CTNNA3: variants seen among roughly 807,000 people sequenced by gnomAD.
CTNNA3 encodes the protein catenin alpha 3, also known as catenin alpha-3.
In CTNNA3, 76 loss-of-function variants were observed where a neutral mutation model predicts 95.7. The ratio of observed to expected loss-of-function variants is 0.79; its 90% confidence interval spans 0.66 to 0.96. CTNNA3 has a LOEUF of 0.96. Among genes scored for constraint, CTNNA3 ranks in the 40% least tolerant of loss-of-function variants. CTNNA3 has a pLI of 0.00. For synonymous variants in CTNNA3, 431 were observed against 374.4 expected, an observed-to-expected ratio of 1.15 and a Z score of -1.74; for missense variants, 1,191 against 1,089.8, an observed-to-expected ratio of 1.09 and a Z score of -1.31.
At chr10:67,396,542 C>T (rs894486973) in intron 5 of CTNNA3, among the ~76,000 whole-genome samples, 1 of 152,124 alleles carries the variant, frequency 6.6e-6, no homozygotes, top group African/African-American at 2.4e-5. Context: ...CTTTCAACTT[C>T]CCCAAAATTT....
At position 65,989,089 on chromosome 10, in the gene CTNNA3, C is replaced by T. The variant is rs3780917; in HGVS notation, c.2160-292G>A. Among the ~76,000 whole-genome samples the T allele has an allele frequency of 0.11, 16,392 of 151,982 alleles. 1,115 individuals are homozygous for T. Among genetic ancestry groups the T allele is most frequent in the East Asian group, 0.2 (1,016 of 5,116 alleles). On this transcript the variant is annotated intron_variant, in intron 15 of 17. Transcript: ENST00000433211. The stretch of plus-strand genomic sequence containing the variant: ...CCGAAGAGCTGGGACTGCAGGCGCG[C>T]GCCACCATGCCCGGCTAATTTTTGT...
intron 11 of CTNNA3, among the ~76,000 whole-genome samples, chr10:66,463,390 C>T (rs1489732694): frequency 6.6e-6 from 1 of 152,152 alleles, no homozygotes; most frequent in Middle Eastern, 3.2e-3. Flanking sequence ...GAGGCCCTCA[C>T]CAAATGCAGA....
At chr10:66,988,994 T>A (rs921240621) in intron 7 of CTNNA3, among the ~76,000 whole-genome samples, 15 of 150,338 alleles carry the variant, frequency 1.0e-4, no homozygotes, top group Admixed American at 7.3e-4. Context: ...ATGTTTCCTC[T>A]CACTTAAAAA....
At chr10:67,639,838 G>A (rs543886613) in intron 2 of CTNNA3, among the ~76,000 whole-genome samples, 28 of 152,156 alleles carry the variant, frequency 1.8e-4, no homozygotes, top group Admixed American at 5.2e-4. Flanking sequence ...AATAAATTAC[G>A]TATTGATGGG....
intron 7 of CTNNA3, among the ~76,000 whole-genome samples, chr10:67,086,837 T>C (rs1857339715): frequency 1.3e-5 from 2 of 151,996 alleles, no homozygotes; most frequent in African/African-American, 4.8e-5. Context: ...ATTTTTAATA[T>C]AATGTAATTT....
chr10:66,527,062 A>G (rs549084002), intron 10 of CTNNA3, among the ~76,000 whole-genome samples: 246 of 152,142 alleles, frequency 1.6e-3, no homozygotes, highest in African/African-American at 5.8e-3. Flanking sequence ...ATTTTTAGTC[A>G]CTATGTTTAA....
chr10:66,151,171 G>A (rs187506211), intron 13 of CTNNA3, among the ~76,000 whole-genome samples: 1 of 151,898 alleles, frequency 6.6e-6, no homozygotes, highest in Admixed American at 6.6e-5. Flanking sequence ...GACAAGAAAA[G>A]ACTTAATTGT....
chr10:66,938,475 G>T (rs191617489), intron 7 of CTNNA3, among the ~76,000 whole-genome samples: 4 of 152,204 alleles, frequency 2.6e-5, no homozygotes, highest in Admixed American at 1.3e-4. Flanking sequence ...ATAAGGAAAA[G>T]AAAATATATT....
intron 9 of CTNNA3, among the ~76,000 whole-genome samples, chr10:66,642,085 G>A (rs537335558): frequency 2.6e-5 from 4 of 152,138 alleles, no homozygotes; most frequent in Admixed American, 6.6e-5. Context: ...TGGATAAAAC[G>A]AAACAAAGGT....
At chr10:66,822,983 G>A (rs1191186531) in intron 7 of CTNNA3, among the ~76,000 whole-genome samples, 2 of 152,182 alleles carry the variant, frequency 1.3e-5, no homozygotes, top group African/African-American at 2.4e-5. Flanking sequence ...GAACAAGAAA[G>A]GCTCTATGGT....
chr10:67,453,176 G>A (rs1013934730), intron 5 of CTNNA3, among the ~76,000 whole-genome samples: 4 of 152,158 alleles, frequency 2.6e-5, no homozygotes, highest in African/African-American at 7.2e-5. Flanking sequence ...ACCAAGTGGA[G>A]AGAAAATAGT....
intron 13 of CTNNA3, among the ~76,000 whole-genome samples, chr10:66,190,604 T>C (rs988366474): frequency 1.8e-4 from 28 of 152,166 alleles, no homozygotes; most frequent in African/African-American, 6.8e-4. Flanking sequence ...TTTGCCTATA[T>C]GCAAGTCAGC....
At chr10:66,426,331 A>T (rs940833937) in intron 11 of CTNNA3, among the ~76,000 whole-genome samples, 2 of 152,130 alleles carry the variant, frequency 1.3e-5, no homozygotes, top group African/African-American at 4.8e-5. Context: ...TTTTTAAAAA[A>T]TAAAACTGTA....
chr10:67,456,526 T>C (rs908430768), intron 5 of CTNNA3, among the ~76,000 whole-genome samples: 1 of 152,074 alleles, frequency 6.6e-6, no homozygotes, highest in African/African-American at 2.4e-5. Flanking sequence ...ATAAAACAAA[T>C]AGAACTAAAC....
At chr10:67,696,708 G>A (rs182020316), upstream of CTNNA3, among the ~76,000 whole-genome samples, 1,206 of 140,044 alleles carry the variant, frequency 8.6e-3, 7 homozygotes, top group Non-Finnish European at 0.011. Flanking sequence ...TTAAATTTAA[G>A]CCACCAAAAA....
chr10:66,447,570 G>A (rs187631660), intron 11 of CTNNA3, among the ~76,000 whole-genome samples: 7,467 of 151,992 alleles, frequency 0.049, 253 homozygotes, highest in East Asian at 0.11. Context: ...AACAAGCAAT[G>A]GGGAAAGCAT....
chr10:66,013,969 A>G (rs1277462585), intron 15 of CTNNA3, among the ~76,000 whole-genome samples: 1 of 152,192 alleles, frequency 6.6e-6, no homozygotes. Flanking sequence ...GTGTATTAAT[A>G]CTTTCCTTTA....
intron 5 of CTNNA3, among the ~76,000 whole-genome samples, chr10:67,470,040 T>C (rs962638104): frequency 6.6e-6 from 1 of 152,178 alleles, no homozygotes; most frequent in African/African-American, 2.4e-5. Context: ...GTCTTATTCA[T>C]TCTTTCTAAC....
At chr10:66,502,445 C>CT (rs1026201749) in intron 11 of CTNNA3, among the ~76,000 whole-genome samples, 1 of 152,026 alleles carries the variant, frequency 6.6e-6, no homozygotes, top group Admixed American at 6.6e-5. Context: ...ATAACATGCA[C>CT]TTTTTTTCCC....
Sources: allele counts gnomAD v4.1 joint callset (sites outside exome capture counted in the v4.1 genomes callset), GRCh38; gene constraint gnomAD v4.1.1; transcripts MANE v1.5; gene names NCBI Gene and HGNC (gene_info 2026-07-23, HGNC 2026-07-21).